SCO2: variants seen among roughly 807,000 people sequenced by gnomAD.
The protein encoded by SCO2 is synthesis of cytochrome C oxidase 2.
For synonymous variants in SCO2, 195 were observed against 148.6 expected (o/e 1.31, Z -2.27); for missense variants, 429 against 348.7 (o/e 1.23, Z -1.83).
chr22:50,524,737 C>A, intron 1 of SCO2: 1 of 563,928 alleles, frequency 1.8e-6, no homozygotes, highest in Admixed American at 2.2e-5. Context: ...CTTGCCTGAA[C>A]TAACCACGTT....
chr22:50,525,995 G>T, upstream of SCO2: 1 of 1,415,790 alleles, frequency 7.1e-7, no homozygotes, highest in East Asian at 3.0e-5. Context: ...CGGGGGCGGC[G>T]CTCACCACGG....
upstream of SCO2, chr22:50,525,765 G>A (rs748362838): frequency 1.9e-6 from 3 of 1,610,574 alleles, no homozygotes; most frequent in South Asian, 1.1e-5. Flanking sequence ...CGCGGCAAAG[G>A]AGCTTTATTG....
In SCO2 at chr22:50,523,609, G is replaced by T. The variant is rs572363067; in HGVS notation, c.*2C>A. ...TAATGATGGGGCCCAGACTGCAGTGGCTCAAGACAGGACACTGCGGAAAGC... is the reference window on the plus strand; with the variant it reads ...TAATGATGGGGCCCAGACTGCAGTGTCTCAAGACAGGACACTGCGGAAAGC... On this transcript the variant is annotated 3_prime_UTR_variant, in exon 2 of 2. Transcript: ENST00000395693. 4.7e-5 allele frequency: 75 copies of T among 1,612,800 alleles called. No individual in the cohort carries two copies. Among genetic ancestry groups the T allele is most frequent in the Non-Finnish European group, 6.1e-5 (72 of 1,179,824 alleles).
chr22:50,526,170 G>GCTCGGGAAGGGGCGGGGC, upstream of SCO2: 1 of 1,468,420 alleles, frequency 6.8e-7, no homozygotes, highest in Admixed American at 2.3e-5. Context: ...AGAGGCGCGG[G>GCTCGGGAAGGGGCGGGGC]CTCGGGAAGG....
At chr22:50,526,046 C>T (rs1035967828), upstream of SCO2, 15 of 1,481,140 alleles carry the variant, frequency 1.0e-5, no homozygotes, top group Admixed American at 2.1e-4. Context: ...TCTGCGCCCA[C>T]CCCCAGGCGG....
At chr22:50,525,719 G>A (rs542004172), upstream of SCO2, 4 of 1,587,106 alleles carry the variant, frequency 2.5e-6, no homozygotes, top group Non-Finnish European at 3.4e-6. Flanking sequence ...CGCAGCCCTG[G>A]ATCCTTCCGC....
intron 1 of SCO2, chr22:50,524,738 T>C: frequency 3.6e-6 from 2 of 555,736 alleles, no homozygotes; most frequent in Middle Eastern, 5.5e-4. Flanking sequence ...TTGCCTGAAC[T>C]AACCACGTTA....
intron 1 of SCO2, among the ~76,000 whole-genome samples, chr22:50,524,989 A>ACC (rs2069276392): frequency 6.6e-6 from 1 of 151,152 alleles, no homozygotes; most frequent in Non-Finnish European, 1.5e-5. Context: ...CCGCCACAAA[A>ACC]CCCCACCCTC....
chr22:50,524,985 C>A (rs1220264026), intron 1 of SCO2, among the ~76,000 whole-genome samples: 1 of 152,202 alleles, frequency 6.6e-6, no homozygotes, highest in African/African-American at 2.4e-5. Flanking sequence ...CCACCCGCCA[C>A]AAAACCCCAC....
upstream of SCO2, chr22:50,525,985 C>T (rs1372684868): frequency 4.3e-6 from 6 of 1,396,590 alleles, no homozygotes; most frequent in South Asian, 7.8e-5. Context: ...GCCAGCAGGG[C>T]GGGGGCGGCG....
chr22:50,526,426 C>T (rs1412008628), upstream of SCO2: 2 of 1,503,532 alleles, frequency 1.3e-6, no homozygotes, highest in Admixed American at 2.1e-5. Flanking sequence ...ACCCGGGCAG[C>T]GCCCTGGGCC....
intron 1 of SCO2, among the ~76,000 whole-genome samples, chr22:50,525,096 A>G (rs951385791): frequency 6.6e-6 from 1 of 151,952 alleles, no homozygotes; most frequent in Non-Finnish European, 1.5e-5. Context: ...GCCCCCGCAG[A>G]AGGTTTGCTA....
chr22:50,525,933 G>A (rs2069339975), upstream of SCO2: 1 of 1,441,924 alleles, frequency 6.9e-7, no homozygotes, highest in Non-Finnish European at 9.1e-7. Context: ...AGAGCGAGGG[G>A]CTGTTAGAGG....
chr22:50,523,819 A>C lies in SCO2; in HGVS notation c.593T>G (p.Val198Gly), dbSNP rs747200175. The change falls in exon 2 of 2, where the codon GTT (valine) becomes GGT (glycine). Residue 198 changes from valine to glycine, a missense_variant. Transcript: ENST00000395693. ...LLGLTGSTKQ[V>G]AQASHSYRVY... ...GCGGTAACTGTGACTAGCCTGGGCAACCTGTTTGGTGGAGCCGGTCAGACC... is the reference window on the plus strand; with the variant it reads ...GCGGTAACTGTGACTAGCCTGGGCACCCTGTTTGGTGGAGCCGGTCAGACC... 1 of 1,613,974 alleles carries C rather than the reference A, an allele frequency of 6.2e-7. No homozygotes were observed. The highest frequency in any genetic ancestry group is 8.5e-7 in the Non-Finnish European group (1 of 1,180,026).
upstream of SCO2, chr22:50,526,353 C>G: frequency 1.3e-6 from 2 of 1,550,812 alleles, no homozygotes; most frequent in East Asian, 2.5e-5. Flanking sequence ...GGGATCCACG[C>G]CCTGCGCCGC....
At chr22:50,526,048 C>A, upstream of SCO2, 1 of 1,482,126 alleles carries the variant, frequency 6.7e-7, no homozygotes, top group Non-Finnish European at 8.9e-7. Flanking sequence ...TGCGCCCACC[C>A]CCAGGCGGAG....
chr22:50,524,416 C>T lies in SCO2; in HGVS notation c.-5G>A, dbSNP rs2069237813. 1 of 1,608,132 alleles carries T rather than the reference C, an allele frequency of 6.2e-7. No individual in the cohort carries two copies. Among genetic ancestry groups the T allele is most frequent in the South Asian group, 1.1e-5 (1 of 91,024 alleles). ...GCTCCGAGTCAGCAGCAGCATGGAT[C>T]TGATGCTCCTGGAAACAAGCACAGG... On this transcript the variant is annotated 5_prime_UTR_variant, in exon 2 of 2. Coordinates refer to ENST00000395693, the MANE Select transcript of SCO2 (RefSeq NM_005138.3).
chr22:50,525,564 G>T lies in SCO2; in HGVS notation c.-106C>A. The T allele has an allele frequency of 1.4e-6, 1 of 720,456 alleles. No individual in the cohort carries two copies. The highest frequency in any genetic ancestry group is 2.2e-6 in the Non-Finnish European group (1 of 445,186). 44.6% of individuals were successfully genotyped at this position (720,456 alleles called of 1,614,324 possible). A position where few individuals can be genotyped will look rare whatever the true frequency, so the allele number is the denominator to read the frequency against. ...TCTGCCCCGCCGGCTCAGGGAAAGC[G>T]GGCGCCACACGCTCACAGGCAGGGC... On this transcript the variant is annotated 5_prime_UTR_variant, in exon 1 of 2. Transcript: ENST00000395693.
At chr22:50,524,644 C>A (rs188267742) in intron 1 of SCO2, 3 of 702,690 alleles carry the variant, frequency 4.3e-6, no homozygotes, top group Admixed American at 2.0e-5. Context: ...CCTGGGATCA[C>A]CAGCCTGTCA....
Sources: gnomAD v4.1 joint callset for allele counts (sites outside exome capture counted in the v4.1 genomes callset) on GRCh38, gnomAD v4.1.1 for gene constraint, MANE v1.5 for transcripts, NCBI Gene and HGNC (gene_info 2026-07-23, HGNC 2026-07-21) for gene names.